The following PRR16 variants were observed in gnomAD, a reference collection of about 807,000 sequenced individuals.
PRR16 encodes proline rich 16.
Under a neutral mutation model 18.2 loss-of-function variants are expected in PRR16, and 6 were observed. That is an observed-to-expected ratio of 0.33 (90% confidence interval 0.18 to 0.65). PRR16 has a LOEUF of 0.65. Among genes scored for constraint, PRR16 ranks in the 30% least tolerant of loss-of-function variants. The pLI is 0.74. For synonymous variants in PRR16, 151 were observed against 147.8 expected (o/e 1.02, Z -0.16); for missense variants, 412 against 376.6 (o/e 1.09, Z -0.78).
the PRR16 span, among the ~76,000 whole-genome samples, chr5:120,763,922 T>TC: frequency 1.6e-4 from 24 of 151,652 alleles, no homozygotes; most frequent in Admixed American, 1.6e-3. Flanking sequence ...CCTGAGACTT[T>TC]ACTGAATTTG....
chr5:120,687,575 T>C (rs977315008), downstream of PRR16, among the ~76,000 whole-genome samples: 37 of 152,222 alleles, frequency 2.4e-4, no homozygotes, highest in African/African-American at 8.0e-4. Flanking sequence ...TTCCAGGATG[T>C]ACCCTAAACT....
At chr5:120,698,386 T>G in the PRR16 span, among the ~76,000 whole-genome samples, 1 of 152,008 alleles carries the variant, frequency 6.6e-6, no homozygotes, top group Non-Finnish European at 1.5e-5. Context: ...GACATCTGAT[T>G]AGAGAGTGCC....
chr5:120,643,487 CATT>C (rs1396308262), intron 1 of PRR16, among the ~76,000 whole-genome samples: 2 of 152,092 alleles, frequency 1.3e-5, no homozygotes, highest in African/African-American at 4.8e-5. Flanking sequence ...AATATTCACT[CATT>C]GTTTTATTTT....
chr5:120,619,899 A>G (rs550121857), intron 1 of PRR16, among the ~76,000 whole-genome samples: 8 of 152,224 alleles, frequency 5.3e-5, no homozygotes, highest in South Asian at 2.1e-4. Context: ...AAACAATGTA[A>G]TACAAGAGTA....
the PRR16 span, among the ~76,000 whole-genome samples, chr5:120,788,175 T>A: frequency 3.9e-5 from 6 of 152,044 alleles, no homozygotes; most frequent in African/African-American, 1.4e-4. Context: ...TTACTATGAA[T>A]GTTTGCTTTT....
rs1266897143 is a variant in PRR16 at position 120,686,117 on chromosome 5, C to T, written c.323C>T (p.Ala108Val). The change falls in exon 2 of 2, where the codon GCA (alanine) becomes GTA (valine). Residue 108 changes from alanine to valine, a missense_variant. Coordinates refer to ENST00000407149, the MANE Select transcript of PRR16 (RefSeq NM_001300783.2). ...AATGCACCGCTTATTAAACCCCCAG[C>T]ACACCCGTCTGCTATCCTCACGGTC... ...QANAPLIKPP[A>V]HPSAILTVLR... is the part of the protein sequence containing the mutation. The T allele has an allele frequency of 6.2e-7, 1 of 1,614,022 alleles. No homozygotes were observed. Among genetic ancestry groups the T allele is most frequent in the Non-Finnish European group, 8.5e-7 (1 of 1,180,030 alleles).
intron 1 of PRR16, among the ~76,000 whole-genome samples, chr5:120,642,180 C>A (rs1318445810): frequency 2.0e-5 from 3 of 152,004 alleles, no homozygotes; most frequent in African/African-American, 7.2e-5. Flanking sequence ...TCAGTTCCAT[C>A]AGCCACCAAA....
intron 1 of PRR16, among the ~76,000 whole-genome samples, chr5:120,504,287 A>C (rs1417822169): frequency 6.6e-6 from 1 of 152,124 alleles, no homozygotes; most frequent in African/African-American, 2.4e-5. Context: ...CATCACCTCA[A>C]GTTGTAAAAA....
At chr5:120,694,692 A>C in the PRR16 span, among the ~76,000 whole-genome samples, 3 of 152,090 alleles carry the variant, frequency 2.0e-5, no homozygotes, top group Non-Finnish European at 4.4e-5. Context: ...CAAAAAAAAA[A>C]AAAAAAGAAT....
chr5:120,670,424 T>C, intron 1 of PRR16, among the ~76,000 whole-genome samples: 1 of 152,116 alleles, frequency 6.6e-6, no homozygotes, highest in East Asian at 1.9e-4. Context: ...ATTATATTTA[T>C]GATGTAGACT....
chr5:120,655,294 C>T (rs1755927993), intron 1 of PRR16, among the ~76,000 whole-genome samples: 1 of 150,600 alleles, frequency 6.6e-6, no homozygotes, highest in African/African-American at 2.4e-5. Context: ...TAAAATTTAC[C>T]TGTACAAATT....
chr5:120,591,553 A>G (rs1339765432), intron 1 of PRR16, among the ~76,000 whole-genome samples: 7 of 151,912 alleles, frequency 4.6e-5, no homozygotes, highest in African/African-American at 1.7e-4. Context: ...ATTAAGTAAA[A>G]TACAAAATAG....
intron 1 of PRR16, among the ~76,000 whole-genome samples, chr5:120,497,822 T>TA (rs1304492583): frequency 3.1e-4 from 47 of 149,584 alleles, no homozygotes; most frequent in East Asian, 2.5e-3. Flanking sequence ...ATTATATATA[T>TA]TTTTTTATTT....
rs374036837 is a variant in PRR16, at chr5:120,644,584, C to T, written c.160-41370C>T. Among the ~76,000 whole-genome samples, 193 of 152,212 alleles carry T rather than the reference C, an allele frequency of 1.3e-3. 6 individuals are homozygous for T. In the South Asian group the frequency reaches 0.038, roughly 30 times the overall value. ...CACCTGAGTCAACAGAAAACTGAAT[C>T]ACATTTATATTTCCACTCAATCTTG... On this transcript the variant is annotated intron_variant, in intron 1 of 1. Coordinates refer to ENST00000407149, the MANE Select transcript of PRR16 (RefSeq NM_001300783.2).
At chr5:120,743,007 C>A in the PRR16 span, among the ~76,000 whole-genome samples, 1 of 152,136 alleles carries the variant, frequency 6.6e-6, no homozygotes, top group Non-Finnish European at 1.5e-5. Flanking sequence ...ACTGAATAAT[C>A]CAGGAAAATC....
At chr5:120,609,165 G>A (rs903058578) in intron 1 of PRR16, among the ~76,000 whole-genome samples, 5 of 151,126 alleles carry the variant, frequency 3.3e-5, no homozygotes, top group African/African-American at 9.7e-5. Context: ...ATTGTTTTTG[G>A]TATATTGCAT....
At chr5:120,771,841 C>T in the PRR16 span, among the ~76,000 whole-genome samples, 1 of 151,722 alleles carries the variant, frequency 6.6e-6, no homozygotes, top group Non-Finnish European at 1.5e-5. Context: ...AGAAACACGA[C>T]TTTATATTAT....
chr5:120,619,614 G>C (rs1754622665), intron 1 of PRR16, among the ~76,000 whole-genome samples: 1 of 151,834 alleles, frequency 6.6e-6, no homozygotes, highest in South Asian at 2.1e-4. Flanking sequence ...CAAATAAAGA[G>C]GAAGTAAGAA....
chr5:120,620,006 A>T (rs1164826038), intron 1 of PRR16, among the ~76,000 whole-genome samples: 1 of 152,132 alleles, frequency 6.6e-6, no homozygotes, highest in South Asian at 2.1e-4. Flanking sequence ...TGAAATAAGA[A>T]TGTATAGTGT....
Sources: gnomAD v4.1 joint callset for allele counts (sites outside exome capture counted in the v4.1 genomes callset) on GRCh38, gnomAD v4.1.1 for gene constraint, MANE v1.5 for transcripts, NCBI Gene and HGNC (gene_info 2026-07-23, HGNC 2026-07-21) for gene names.